Variants in DCUN1D4 observed in about 807,000 individuals in gnomAD.
The protein encoded by DCUN1D4 is DCN1-like protein 4.
DCUN1D4 carries 22 observed loss-of-function variants against 47.9 expected under a neutral mutation model. The observed-to-expected ratio is 0.46, with a 90% CI of 0.33 to 0.66. The LOEUF (loss-of-function observed/expected upper bound fraction) is 0.66, where lower values mean the gene tolerates loss of function less well. Among genes scored for constraint, DCUN1D4 ranks in the 30% least tolerant of loss-of-function variants. The probability of loss-of-function intolerance (pLI) is 0.02; values close to 1 mark genes in which losing one functional copy is unlikely to be tolerated. For missense variants in DCUN1D4, 301 were observed against 340.8 expected (o/e 0.88, Z 0.92); for synonymous variants, 121 against 112.2 (o/e 1.08, Z -0.50).
chr4:51,888,854 C>T (rs1490384988), intron 6 of DCUN1D4, among the ~76,000 whole-genome samples: 2 of 152,068 alleles, frequency 1.3e-5, no homozygotes, highest in African/African-American at 4.8e-5. Context: ...CGCCTGTAAT[C>T]CCAGTACTTT....
At chr4:51,899,486 T>C in intron 8 of DCUN1D4, 108 bp downstream of exon 8, 2 of 1,478,398 alleles carry the variant, frequency 1.4e-6, no homozygotes, top group Non-Finnish European at 1.8e-6. Flanking sequence ...TTGAATAAGT[T>C]AACTCCCAGG....
intron 7 of DCUN1D4, among the ~76,000 whole-genome samples, chr4:51,892,751 G>A (rs1183005226): frequency 6.6e-6 from 1 of 152,166 alleles, no homozygotes; most frequent in African/African-American, 2.4e-5. Flanking sequence ...GGCCTTGAAA[G>A]ATACAGTTGA....
At chr4:51,881,660 T>TAAA (rs534474397) in intron 5 of DCUN1D4, among the ~76,000 whole-genome samples, 7 of 109,986 alleles carry the variant, frequency 6.4e-5, no homozygotes, top group Admixed American at 9.6e-5. Context: ...AGATACAAGT[T>TAAA]AAAAAAAAAA....
At chr4:51,845,293 T>G in intron 1 of DCUN1D4, 1 of 984,944 alleles carries the variant, frequency 1.0e-6, no homozygotes, top group Non-Finnish European at 1.2e-6. Context: ...TGGTATTTCT[T>G]GGGGTGTTTG....
At chr4:51,843,349 C>G in intron 1 of DCUN1D4, 82 bp downstream of exon 1, 1 of 1,437,658 alleles carries the variant, frequency 7.0e-7, no homozygotes, top group African/African-American at 1.5e-5. Flanking sequence ...CCCCGCCCCA[C>G]GCCTCGGGTC....
At chr4:51,904,086 T>G (rs1279991522) in intron 8 of DCUN1D4, among the ~76,000 whole-genome samples, 1 of 152,186 alleles carries the variant, frequency 6.6e-6, no homozygotes, top group Non-Finnish European at 1.5e-5. Flanking sequence ...GGTATTTGGT[T>G]GCTGTGGGTT....
At chr4:51,844,745 G>GT (rs896744620) in intron 1 of DCUN1D4, 1 of 780,740 alleles carries the variant, frequency 1.3e-6, no homozygotes, top group Non-Finnish European at 1.6e-6. Flanking sequence ...CAGTCAACGG[G>GT]TATGAAGGGG....
chr4:51,862,337 G>A (rs967331169), intron 1 of DCUN1D4, among the ~76,000 whole-genome samples: 1 of 152,246 alleles, frequency 6.6e-6, no homozygotes, highest in South Asian at 2.1e-4. Context: ...AGAAAGTAAA[G>A]CTTTCTAACT....
At chr4:51,852,179 C>T (rs1287280141) in intron 1 of DCUN1D4, among the ~76,000 whole-genome samples, 1 of 152,098 alleles carries the variant, frequency 6.6e-6, no homozygotes, top group African/African-American at 2.4e-5. Context: ...CTCATTTTTG[C>T]TGGTTTGCTT....
upstream of DCUN1D4, among the ~76,000 whole-genome samples, chr4:51,840,292 T>C (rs1721597140): frequency 6.6e-6 from 1 of 152,128 alleles, no homozygotes; most frequent in South Asian, 2.1e-4. Context: ...GATTTACATA[T>C]TGAAAAAAAT....
chr4:51,912,529 T>G (rs574221615), intron 9 of DCUN1D4, among the ~76,000 whole-genome samples: 23 of 152,334 alleles, frequency 1.5e-4, no homozygotes, highest in Middle Eastern at 3.4e-3. Context: ...TTGTATTGTT[T>G]TACTATGTTT....
In DCUN1D4 at chr4:51,844,281, G is replaced by C. The variant is rs1226684773; in HGVS notation, c.25+1014G>C. On this transcript the variant is annotated intron_variant, in intron 1 of 10. Transcript: ENST00000334635. ...CCTGTCGAGGCAGGGTCCCTTGAAG[G>C]GGGGAGTCCAAGCTTCGGGGTGCGG... 2.4e-5 allele frequency: 23 copies of C among 967,582 alleles called. No individual in the cohort carries two copies. The South Asian group carries it at 5.7e-4, about 24-fold the overall frequency. 59.9% of individuals were successfully genotyped at this position (967,582 alleles called of 1,614,324 possible).
chr4:51,846,156 C>T (rs940879901), intron 1 of DCUN1D4, among the ~76,000 whole-genome samples: 1 of 152,194 alleles, frequency 6.6e-6, no homozygotes, highest in Admixed American at 6.5e-5. Context: ...CCACCTCCCT[C>T]CATTCCCCAA....
intron 1 of DCUN1D4, among the ~76,000 whole-genome samples, chr4:51,861,890 G>C (rs1211714071): frequency 6.6e-6 from 1 of 152,014 alleles, no homozygotes; most frequent in East Asian, 1.9e-4. Flanking sequence ...TTGCTGGTGA[G>C]AGGGCTGTAG....
At chr4:51,839,296 C>G (rs1293276973), upstream of DCUN1D4, among the ~76,000 whole-genome samples, 1 of 152,108 alleles carries the variant, frequency 6.6e-6, no homozygotes, top group Non-Finnish European at 1.5e-5. Flanking sequence ...ATATTAAAAA[C>G]ATGGAGTCTG....
rs569280869 is a variant in DCUN1D4, at chr4:51,913,542, G to A, written c.837G>A (p.Leu279=). 3.2e-4 allele frequency: 510 copies of A among 1,612,618 alleles called. 10 individuals are homozygous for A. In the South Asian group the frequency reaches 5.4e-3, roughly 17 times the overall value. Residue 279 remains leucine (L), a synonymous_variant, in exon 11 of 11, where the codon TTG becomes TTA. Coordinates refer to ENST00000334635, the MANE Select transcript of DCUN1D4 (RefSeq NM_001040402.3). ...YDEDGAWPVL[L]DEFVEWYKDK... is the part of the protein sequence containing the mutation. ...CTTTCTCTCCAGGGCCAGTTTTGTT[G>A]GACGAGTTTGTGGAGTGGTATAAAG... is the stretch of plus-strand genomic sequence containing the variant.
In DCUN1D4 at chr4:51,877,754, A is replaced by T. The variant is rs984169927; in HGVS notation, c.252-9A>T. 6.3e-7 allele frequency: 1 copy of T among 1,583,826 alleles called. No individual in the cohort carries two copies. Among genetic ancestry groups the T allele is most frequent in the African/African-American group, 1.4e-5 (1 of 73,622 alleles). ...TTAAATAACTTAAAACTGCCTTTTC[A>T]ATTTCCAGCATGTATAGAAAATATG... On this transcript the variant is annotated splice_polypyrimidine_tract_variant and intron_variant, in intron 4 of 10. Coordinates refer to ENST00000334635, the MANE Select transcript of DCUN1D4 (RefSeq NM_001040402.3).
At chr4:51,897,629 A>G (rs1731470690) in intron 7 of DCUN1D4, among the ~76,000 whole-genome samples, 1 of 151,694 alleles carries the variant, frequency 6.6e-6, no homozygotes. Context: ...TGTATCACTT[A>G]CTGGTAAAAA....
At chr4:51,892,446 T>TA (rs1241219106) in intron 7 of DCUN1D4, among the ~76,000 whole-genome samples, 2 of 152,244 alleles carry the variant, frequency 1.3e-5, no homozygotes, top group Non-Finnish European at 2.9e-5. Flanking sequence ...GGCAAAGACT[T>TA]ACTGGCATCT....
Sources: allele counts gnomAD v4.1 joint callset (sites outside exome capture counted in the v4.1 genomes callset), GRCh38; gene constraint gnomAD v4.1.1; transcripts MANE v1.5; gene names NCBI Gene and HGNC (gene_info 2026-07-23, HGNC 2026-07-21).